Variants in IL21 observed in about 807,000 individuals in gnomAD.
IL21 encodes interleukin-21.
Under a neutral mutation model 18.4 loss-of-function variants are expected in IL21, and 3 were observed. That is an observed-to-expected ratio of 0.16 (90% CI 0.07 to 0.42). The LOEUF (loss-of-function observed/expected upper bound fraction) is 0.42, where lower values mean the gene tolerates loss of function less well. Ranked by LOEUF, IL21 falls within the 10% of genes least tolerant of loss-of-function variation. The pLI is 0.99. For synonymous variants in IL21, 37 were observed against 62.0 expected (o/e 0.60, Z 1.90); for missense variants, 130 against 188.4 (o/e 0.69, Z 1.81).
chr4:122,615,922 C>T lies in IL21; in HGVS notation c.205-85G>A, dbSNP rs1304881857. ...CTTTCCCAATCCTCTATTTCTATCT[C>T]TTCTGCAATGTCGTGCATTACATCG... On this transcript the variant is annotated intron_variant, in intron 2 of 4. Coordinates refer to ENST00000648588, the MANE Select transcript of IL21 (RefSeq NM_021803.4). The T allele has an allele frequency of 6.0e-6, 7 of 1,157,352 alleles. No individual in the cohort carries two copies. In the African/African-American group the frequency reaches 9.3e-5, roughly 15 times the overall value. 71.7% of individuals were successfully genotyped at this position (1,157,352 alleles called of 1,614,324 possible).
Position 122,611,017 on chromosome 4 carries a change from A to G in IL21, c.*1693T>C, listed in dbSNP as rs908099002. On this transcript the variant is annotated 3_prime_UTR_variant, in exon 5 of 5. Coordinates refer to ENST00000648588, the MANE Select transcript of IL21 (RefSeq NM_021803.4). ...GGAACAGAAATTTTTAACAATAAACATGCCAAAAGAAATACATTATTTTAA... is the reference window on the plus strand; with the variant it reads ...GGAACAGAAATTTTTAACAATAAACGTGCCAAAAGAAATACATTATTTTAA... Among the ~76,000 whole-genome samples the G allele has an allele frequency of 2.6e-5, 4 of 152,242 alleles. No homozygotes were observed. The highest frequency in any genetic ancestry group is 9.6e-5 in the African/African-American group (4 of 41,470).
chr4:122,615,254 G>C (rs911262806), intron 3 of IL21, among the ~76,000 whole-genome samples: 1 of 152,212 alleles, frequency 6.6e-6, no homozygotes, highest in African/African-American at 2.4e-5. Flanking sequence ...GGGTGCGGTG[G>C]CTCATGCCTG....
At position 122,620,959 on chromosome 4, in the gene IL21, A is replaced by G. The variant is rs1367374232; in HGVS notation, c.53T>C (p.Ile18Thr). ...MERIVICLMV[I>T]FLGTLVHKSS... ...TTTGTGGACCAGTGTCCCCAAGAAG[A>G]TGACCATCAGACAGATGACAATCCT... Residue 18 changes from isoleucine (I) to threonine (T), a missense_variant, in exon 1 of 5, where the codon ATC becomes ACC. By Grantham distance (89) the Ile-to-Thr change is moderately conservative (BLOSUM62 -1). Coordinates refer to ENST00000648588, the MANE Select transcript of IL21 (RefSeq NM_021803.4). 6.2e-7 allele frequency: 1 copy of G among 1,613,920 alleles called. No homozygotes were observed. The highest frequency in any genetic ancestry group is 8.5e-7 in the Non-Finnish European group (1 of 1,179,930).
intron 2 of IL21, chr4:122,619,894 T>C (rs1247919703): frequency 6.6e-6 from 1 of 152,242 alleles, no homozygotes; most frequent in African/African-American, 2.4e-5. Flanking sequence ...GGTAGCACTT[T>C]TAGTTATTCT....
chr4:122,616,952 A>G (rs1010721937), intron 2 of IL21, among the ~76,000 whole-genome samples: 1 of 152,204 alleles, frequency 6.6e-6, no homozygotes, highest in Admixed American at 6.5e-5. Context: ...CAGTCCCTAC[A>G]AAGGCAGGCC....
Position 122,612,777 on chromosome 4 carries a change from C to A in IL21, c.439-17G>T. ...ATGAATCATCTGTGGAAATAGTATA[C>A]CGTGAGTAACTAAGAAGCAAATCTG... On this transcript the variant is annotated splice_polypyrimidine_tract_variant and intron_variant, in intron 4 of 4. Coordinates refer to ENST00000648588, the MANE Select transcript of IL21 (RefSeq NM_021803.4). The A allele has an allele frequency of 6.2e-7, 1 of 1,613,330 alleles. No homozygotes were observed. Among genetic ancestry groups the A allele is most frequent in the African/African-American group, 1.3e-5 (1 of 74,974 alleles).
intron 2 of IL21, 45 bp downstream of exon 2, chr4:122,620,656 A>G: frequency 6.5e-7 from 1 of 1,535,518 alleles, no homozygotes; most frequent in Non-Finnish European, 8.9e-7. Context: ...GGATTTAAAA[A>G]CTTATGTCCA....
intron 3 of IL21, 47 bp downstream of exon 3, chr4:122,615,635 T>C (rs776733435): frequency 3.2e-6 from 5 of 1,548,556 alleles, no homozygotes; most frequent in South Asian, 1.2e-5. Context: ...ATGCAAGATA[T>C]ATAGTTTATA....
rs75197470 is a variant in IL21, at chr4:122,612,598, GT to G, written c.*111del. 97 of 749,166 alleles carry G rather than the reference GT, an allele frequency of 1.3e-4. No homozygotes were observed. The highest frequency in any genetic ancestry group is 1.5e-4 in the Admixed American group (7 of 46,212). 46.4% of individuals were successfully genotyped at this position (749,166 alleles called of 1,614,324 possible). A position where few individuals can be genotyped will look rare whatever the true frequency, so the allele number is the denominator to read the frequency against. On this transcript the variant is annotated 3_prime_UTR_variant, in exon 5 of 5. Transcript: ENST00000648588. ...TAATCCTGACTTTGCACACTTATGAGTTTTTTTTTCCCATCGCTAATATATT... is the reference window on the plus strand; with the variant it reads ...TAATCCTGACTTTGCACACTTATGAGTTTTTTTTCCCATCGCTAATATATT...
chr4:122,619,865 T>G (rs1050337842), intron 2 of IL21: 3 of 152,204 alleles, frequency 2.0e-5, no homozygotes, highest in African/African-American at 7.2e-5. Flanking sequence ...GTCTCCCCCT[T>G]TGTAGTGTCC....
At chr4:122,616,263 T>C (rs1799336450) in intron 2 of IL21, among the ~76,000 whole-genome samples, 1 of 152,248 alleles carries the variant, frequency 6.6e-6, no homozygotes, top group Non-Finnish European at 1.5e-5. Context: ...TGTTTGTGGT[T>C]TCTGTTAATG....
chr4:122,616,593 A>G (rs1260409478), intron 2 of IL21, among the ~76,000 whole-genome samples: 1 of 152,240 alleles, frequency 6.6e-6, no homozygotes, highest in African/African-American at 2.4e-5. Flanking sequence ...ACGGAAAGTC[A>G]TTTCTTAGAA....
Position 122,611,945 on chromosome 4 carries a change from A to G in IL21, c.*765T>C, listed in dbSNP as rs530037464. ...GTTTGGTTCCAGAAGACAACCTGGC[A>G]TATGTCCCTCTATAGGTTTAAATTG... On this transcript the variant is annotated 3_prime_UTR_variant, in exon 5 of 5. Transcript: ENST00000648588. 6.6e-6 allele frequency among the ~76,000 whole-genome samples: 1 copy of G among 152,232 alleles called. No homozygotes were observed. The highest frequency in any genetic ancestry group is 1.9e-4 in the East Asian group (1 of 5,182).
intron 2 of IL21, chr4:122,619,102 G>A (rs536100003): frequency 5.3e-5 from 8 of 151,960 alleles, no homozygotes; most frequent in African/African-American, 7.3e-5. Context: ...ATGATTAGAC[G>A]GAAAGAAAAA....
chr4:122,616,843 G>A (rs746835082), intron 2 of IL21, among the ~76,000 whole-genome samples: 3 of 152,122 alleles, frequency 2.0e-5, no homozygotes, highest in Non-Finnish European at 2.9e-5. Flanking sequence ...TTCAGCAAAC[G>A]TGTGTATGTG....
intron 2 of IL21, 94 bp downstream of exon 2, chr4:122,620,607 A>G (rs373906059): frequency 2.0e-6 from 2 of 1,000,946 alleles, no homozygotes; most frequent in East Asian, 2.4e-5. Flanking sequence ...ATTAAAATTC[A>G]GTATACTCCT....
intron 2 of IL21, among the ~76,000 whole-genome samples, chr4:122,616,771 A>C (rs745445984): frequency 6.6e-6 from 1 of 152,226 alleles, no homozygotes; most frequent in Non-Finnish European, 1.5e-5. Context: ...ACTTGTTGAA[A>C]AATTTTAATG....
chr4:122,615,938 C>G, intron 2 of IL21, 101 bp from the exon 3 acceptor site: 1 of 986,880 alleles, frequency 1.0e-6, no homozygotes, highest in Non-Finnish European at 1.5e-6. Flanking sequence ...CAATGTCGTG[C>G]ATTACATCGT....
intron 2 of IL21, among the ~76,000 whole-genome samples, chr4:122,617,302 A>G (rs1459150680): frequency 1.3e-5 from 2 of 152,218 alleles, no homozygotes; most frequent in East Asian, 3.9e-4. Context: ...TGTTTGTTGA[A>G]GTTTTTTCTT....
Sources: allele counts gnomAD v4.1 joint callset (sites outside exome capture counted in the v4.1 genomes callset), GRCh38; gene constraint gnomAD v4.1.1; transcripts MANE v1.5; gene names NCBI Gene and HGNC (gene_info 2026-07-23, HGNC 2026-07-21).